IKZF3: variants seen among roughly 807,000 people sequenced by gnomAD.
The protein encoded by IKZF3 is zinc finger protein Aiolos.
In IKZF3, 10 loss-of-function variants were observed where a neutral mutation model predicts 49.0. The ratio of observed to expected loss-of-function variants is 0.20; its 90% CI spans 0.13 to 0.35. The LOEUF is 0.35. Ranked by LOEUF, IKZF3 falls within the 10% of genes least tolerant of loss-of-function variation. The pLI, the probability that IKZF3 is intolerant of heterozygous loss-of-function variation, is 1.00. For synonymous variants in IKZF3, 209 were observed against 228.2 expected (o/e 0.92, Z 0.76); for missense variants, 498 against 664.8 (o/e 0.75, Z 2.76).
chr17:39,793,351 A>G (rs769969506), intron 3 of IKZF3, among the ~76,000 whole-genome samples: 1 of 152,212 alleles, frequency 6.6e-6, no homozygotes, highest in Non-Finnish European at 1.5e-5. Flanking sequence ...AGGAGAAAAT[A>G]TTGTTTGAAT....
chr17:39,824,797 G>A lies in IKZF3; in HGVS notation c.163+4590C>T, dbSNP rs541616392. Among the ~76,000 whole-genome samples, 34 of 151,856 alleles carry A rather than the reference G, an allele frequency of 2.2e-4. No homozygotes were observed. In the East Asian group the frequency reaches 2.7e-3, roughly 12 times the overall value. On this transcript the variant is annotated intron_variant, in intron 3 of 7. Coordinates refer to ENST00000346872, the MANE Select transcript of IKZF3 (RefSeq NM_012481.5). ...TGCAAGCTCTGCCTCCCAGGTTCACGCAATTCTCCTGCCTCAGCCTCCCAA... is the reference window on the plus strand; with the variant it reads ...TGCAAGCTCTGCCTCCCAGGTTCACACAATTCTCCTGCCTCAGCCTCCCAA...
At chr17:39,825,079 C>G (rs2061922578) in intron 3 of IKZF3, among the ~76,000 whole-genome samples, 1 of 152,166 alleles carries the variant, frequency 6.6e-6, no homozygotes, top group Admixed American at 6.5e-5. Flanking sequence ...TGCCTTCTGC[C>G]ATGATTGTAA....
At chr17:39,819,950 C>T (rs575166412) in intron 3 of IKZF3, among the ~76,000 whole-genome samples, 24 of 152,274 alleles carry the variant, frequency 1.6e-4, no homozygotes, top group African/African-American at 5.1e-4. Flanking sequence ...GGATTACAGG[C>T]GTGAGCCAAG....
At chr17:39,796,960 C>T (rs529357089) in intron 3 of IKZF3, among the ~76,000 whole-genome samples, 11 of 151,266 alleles carry the variant, frequency 7.3e-5, no homozygotes, top group Non-Finnish European at 1.0e-4. Flanking sequence ...GTCAGGAGAT[C>T]GAGACCATCC....
chr17:39,785,564 G>A (rs1321076012), intron 6 of IKZF3, among the ~76,000 whole-genome samples: 1 of 152,132 alleles, frequency 6.6e-6, no homozygotes, highest in Non-Finnish European at 1.5e-5. Flanking sequence ...AAGGTTGTGA[G>A]AATGGGAAGT....
intron 3 of IKZF3, among the ~76,000 whole-genome samples, chr17:39,796,029 G>A (rs1598032618): frequency 6.6e-6 from 1 of 151,902 alleles, no homozygotes; most frequent in South Asian, 2.1e-4. Context: ...GCGACAGAGC[G>A]AGACGCCATC....
Position 39,836,176 on chromosome 17 carries a change from C to T in IKZF3, c.8-4025G>A, listed in dbSNP as rs562591059. The T allele has an allele frequency of 1.1e-4, 71 of 664,116 alleles. No homozygotes were observed. The African/African-American group carries it at 1.2e-3, about 11-fold the overall frequency. The allele number at this position is 664,116 out of a possible 1,614,324, so 41.1% of individuals were successfully genotyped here. ...GGGGTCCACCTCCAGCTTAAGGGGG[C>T]TCAGCAGGCTCTGGTTGACCATGAT... On this transcript the variant is annotated intron_variant, in intron 1 of 7. Coordinates refer to ENST00000346872, the MANE Select transcript of IKZF3 (RefSeq NM_012481.5).
chr17:39,771,813 C>T (rs948443322), intron 7 of IKZF3, among the ~76,000 whole-genome samples: 4 of 152,126 alleles, frequency 2.6e-5, no homozygotes, highest in Non-Finnish European at 5.9e-5. Context: ...GATCACAGCT[C>T]ACTGCAGCCT....
At chr17:39,768,297 G>T (rs952781925) in intron 7 of IKZF3, among the ~76,000 whole-genome samples, 2 of 152,168 alleles carry the variant, frequency 1.3e-5, no homozygotes, top group African/African-American at 4.8e-5. Context: ...TTTGAGAAGG[G>T]TCTTGAACTG....
intron 1 of IKZF3, among the ~76,000 whole-genome samples, chr17:39,851,710 G>T (rs949146925): frequency 6.6e-6 from 1 of 152,100 alleles, no homozygotes; most frequent in Non-Finnish European, 1.5e-5. Flanking sequence ...TGATGCAAGT[G>T]TTCCATATAT....
At chr17:39,775,055 C>T (rs187921833) in intron 7 of IKZF3, among the ~76,000 whole-genome samples, 9 of 152,288 alleles carry the variant, frequency 5.9e-5, no homozygotes, top group Non-Finnish European at 1.3e-4. Context: ...TATTCAGTCT[C>T]CTCATTTCAC....
At chr17:39,783,934 A>C (rs936066868) in intron 6 of IKZF3, among the ~76,000 whole-genome samples, 3 of 152,186 alleles carry the variant, frequency 2.0e-5, no homozygotes, top group South Asian at 4.1e-4. Context: ...GTCTCAAAAC[A>C]AAAAACAAAA....
chr17:39,847,297 A>G (rs559722428), intron 1 of IKZF3, among the ~76,000 whole-genome samples: 1 of 152,214 alleles, frequency 6.6e-6, no homozygotes, highest in South Asian at 2.1e-4. Context: ...TAACCGATGA[A>G]ATTAGCATAT....
intron 2 of IKZF3, 123 bp downstream of exon 2, chr17:39,831,975 T>C: frequency 1.4e-6 from 1 of 689,766 alleles, no homozygotes; most frequent in Non-Finnish European, 2.5e-6. Flanking sequence ...ACAACCATAT[T>C]TAAAAAAAAA....
intron 1 of IKZF3, among the ~76,000 whole-genome samples, chr17:39,844,153 T>C (rs1294974372): frequency 6.6e-6 from 1 of 152,228 alleles, no homozygotes; most frequent in African/African-American, 2.4e-5. Flanking sequence ...TTTTAATGTG[T>C]AGGCAGTCAA....
At chr17:39,767,730 A>G (rs1161180693) in intron 7 of IKZF3, among the ~76,000 whole-genome samples, 1 of 152,152 alleles carries the variant, frequency 6.6e-6, no homozygotes, top group East Asian at 1.9e-4. Context: ...GTGGATGAGA[A>G]ATAAGACCTA....
intron 3 of IKZF3, among the ~76,000 whole-genome samples, chr17:39,805,717 A>G (rs868060131): frequency 1.3e-5 from 2 of 152,232 alleles, no homozygotes; most frequent in Admixed American, 1.3e-4. Flanking sequence ...GAACATGTTC[A>G]TCCCTGGGGA....
chr17:39,821,039 G>T (rs950074617), intron 3 of IKZF3, among the ~76,000 whole-genome samples: 11 of 152,024 alleles, frequency 7.2e-5, no homozygotes, highest in Non-Finnish European at 7.4e-5. Flanking sequence ...AACTGGTAAT[G>T]ATAAGTAAAG....
At chr17:39,829,276 C>A in intron 3 of IKZF3, 111 bp downstream of exon 3, 1 of 717,404 alleles carries the variant, frequency 1.4e-6, no homozygotes, top group South Asian at 2.0e-5. Context: ...CAGAATCACT[C>A]CTAACTAAAC....
Sources: gnomAD v4.1 joint callset for allele counts (sites outside exome capture counted in the v4.1 genomes callset) on GRCh38, gnomAD v4.1.1 for gene constraint, MANE v1.5 for transcripts, NCBI Gene and HGNC (gene_info 2026-07-23, HGNC 2026-07-21) for gene names.